NXPH1: variants seen among roughly 807,000 people sequenced by gnomAD.
The protein encoded by NXPH1 is neurexophilin-1.
Under a neutral mutation model 23.7 loss-of-function variants are expected in NXPH1, and 5 were observed. The observed-to-expected ratio is 0.21, with a 90% CI of 0.11 to 0.44. The LOEUF is 0.44. Ranked by LOEUF, NXPH1 falls within the 20% of genes least tolerant of loss-of-function variation. NXPH1 has a pLI of 0.99. For synonymous variants in NXPH1, 144 were observed against 122.2 expected (o/e 1.18, Z -1.18); for missense variants, 324 against 321.6 (o/e 1.01, Z -0.06).
In NXPH1 at chr7:8,629,163, T is replaced by A. The variant is rs184370831; in HGVS notation, c.55-121845T>A. On this transcript the variant is annotated intron_variant, in intron 2 of 2. Transcript: ENST00000405863. ...TATTTACCCCCATTGTTATAAAATT[T>A]TATGGTCACAGAAATAATTTAAACC... Among the ~76,000 whole-genome samples the A allele has an allele frequency of 3.5e-4, 53 of 152,232 alleles. No homozygotes were observed. The East Asian group carries it at 8.1e-3, about 23-fold the overall frequency.
chr7:8,693,300 T>TA (rs962446121), intron 2 of NXPH1, among the ~76,000 whole-genome samples: 10 of 152,330 alleles, frequency 6.6e-5, no homozygotes, highest in African/African-American at 2.4e-4. Context: ...CATTCCAAGT[T>TA]ACATGTGTGT....
chr7:8,552,758 A>G (rs1238219479), intron 2 of NXPH1, among the ~76,000 whole-genome samples: 1 of 151,526 alleles, frequency 6.6e-6, no homozygotes, highest in Non-Finnish European at 1.5e-5. Flanking sequence ...TATTTCCACA[A>G]TTCCTTCAAT....
chr7:8,670,805 G>T (rs1435585075), intron 2 of NXPH1, among the ~76,000 whole-genome samples: 1 of 152,178 alleles, frequency 6.6e-6, no homozygotes, highest in South Asian at 2.1e-4. Context: ...TTAGGGACAG[G>T]GTCTCTTTGT....
chr7:8,435,495 CTTT>C lies in NXPH1; in HGVS notation c.-110-101_-110-99del. ...TTTCAATTTTTCGTACCCTCCCTCC[CTTT>C]TTTTTTTGGTCCCCCACTCCCCGCT... On this transcript the variant is annotated intron_variant, in intron 1 of 2. Coordinates refer to ENST00000405863, the MANE Select transcript of NXPH1 (RefSeq NM_152745.3). This position sits in a 1 kb window ranked among gnomAD's most constrained non-coding sequence, Gnocchi z 5.9. 2.0e-6 allele frequency: 1 copy of C among 490,562 alleles called. No individual in the cohort carries two copies. 30.4% of individuals were successfully genotyped at this position (490,562 alleles called of 1,614,324 possible).
intron 2 of NXPH1, among the ~76,000 whole-genome samples, chr7:8,443,469 C>A (rs914567657): frequency 6.6e-6 from 1 of 152,238 alleles, no homozygotes; most frequent in East Asian, 1.9e-4. Context: ...GAGTAAAACC[C>A]TATGGGGAGA....
At chr7:8,675,875 A>C (rs1302976832) in intron 2 of NXPH1, among the ~76,000 whole-genome samples, 1 of 152,120 alleles carries the variant, frequency 6.6e-6, no homozygotes, top group Non-Finnish European at 1.5e-5. Flanking sequence ...AGTCAATTCA[A>C]CTGCTAATCA....
intron 2 of NXPH1, among the ~76,000 whole-genome samples, chr7:8,668,273 TTG>T (rs1335025989): frequency 0.017 from 2,462 of 147,330 alleles, 80 homozygotes; most frequent in African/African-American, 0.051. Flanking sequence ...TTTTTTTATT[TTG>T]TTGTTGTTGT....
intron 2 of NXPH1, among the ~76,000 whole-genome samples, chr7:8,566,881 C>T (rs951237191): frequency 2.0e-5 from 3 of 151,696 alleles, no homozygotes; most frequent in Non-Finnish European, 2.9e-5. Context: ...ATCTATCTAT[C>T]TACTGTTAGT....
chr7:8,735,961 T>C (rs1181533497), intron 2 of NXPH1, among the ~76,000 whole-genome samples: 3 of 152,208 alleles, frequency 2.0e-5, no homozygotes, highest in Non-Finnish European at 4.4e-5. Flanking sequence ...AGTTTGTATT[T>C]CTATGGGATC....
intron 2 of NXPH1, among the ~76,000 whole-genome samples, chr7:8,467,201 A>G (rs1816800292): frequency 6.6e-6 from 1 of 152,156 alleles, no homozygotes; most frequent in Admixed American, 6.5e-5. Flanking sequence ...TTTTTCTGAT[A>G]ATGATACTTA....
chr7:8,462,945 T>TAA (rs1454818017), intron 2 of NXPH1, among the ~76,000 whole-genome samples: 36 of 152,202 alleles, frequency 2.4e-4, no homozygotes, highest in Non-Finnish European at 2.9e-5. Context: ...TGAAGAGACA[T>TAA]TACAGACTAC....
At chr7:8,456,623 C>T (rs370879277) in intron 2 of NXPH1, among the ~76,000 whole-genome samples, 51 of 152,024 alleles carry the variant, frequency 3.4e-4, no homozygotes, top group African/African-American at 9.7e-4. Flanking sequence ...GGCTTGAAAA[C>T]GTAACTTTTT....
chr7:8,485,078 TAAG>T (rs943115655), intron 2 of NXPH1, among the ~76,000 whole-genome samples: 6 of 152,138 alleles, frequency 3.9e-5, no homozygotes, highest in Non-Finnish European at 7.4e-5. Flanking sequence ...TCTTCTAACG[TAAG>T]AAGAACTAGA....
At chr7:8,653,758 A>G (rs1025724089) in intron 2 of NXPH1, among the ~76,000 whole-genome samples, 2 of 152,190 alleles carry the variant, frequency 1.3e-5, no homozygotes, top group African/African-American at 4.8e-5. Context: ...AAATTGTTCT[A>G]TAAGGTGATA....
At chr7:8,437,336 A>G (rs570218152) in intron 2 of NXPH1, among the ~76,000 whole-genome samples, 1 of 144,848 alleles carries the variant, frequency 6.9e-6, no homozygotes. Flanking sequence ...TTTGGCCAGA[A>G]GAAATATAGA....
chr7:8,719,167 C>A lies in NXPH1; in HGVS notation c.55-31841C>A, dbSNP rs541582161. ...TTTAATTATTCATTTGGCAGATATA[C>A]CTCTATAGCACAACTGGATAGTTGT... On this transcript the variant is annotated intron_variant, in intron 2 of 2. Transcript: ENST00000405863. Among the ~76,000 whole-genome samples the A allele has an allele frequency of 1.5e-3, 230 of 152,302 alleles. 1 individual carries two copies. Among genetic ancestry groups the A allele is most frequent in the African/African-American group, 5.3e-3 (220 of 41,572 alleles).
At chr7:8,695,222 G>GAAGTTTA (rs1292631233) in intron 2 of NXPH1, among the ~76,000 whole-genome samples, 1 of 152,146 alleles carries the variant, frequency 6.6e-6, no homozygotes, top group Non-Finnish European at 1.5e-5. Context: ...CTTGGCGGAT[G>GAAGTTTA]CTAGGTCTTT....
rs1057288021 is a variant in NXPH1, at chr7:8,752,682, A to G, written c.*913A>G. 2.0e-5 allele frequency: 3 copies of G among 152,518 alleles called. No individual in the cohort carries two copies. Among genetic ancestry groups the G allele is most frequent in the Non-Finnish European group, 2.9e-5 (2 of 68,016 alleles). 9.4% of individuals were successfully genotyped at this position (152,518 alleles called of 1,614,324 possible). A position where few individuals can be genotyped will look rare whatever the true frequency, so the allele number is the denominator to read the frequency against. The stretch of plus-strand genomic sequence containing the variant: ...TTTGTATGAATGGTTTGTATTGTAC[A>G]TAGTTTAACCAAGTGTTATTTGAGC... On this transcript the variant is annotated 3_prime_UTR_variant, in exon 3 of 3. Coordinates refer to ENST00000405863, the MANE Select transcript of NXPH1 (RefSeq NM_152745.3).
intron 2 of NXPH1, among the ~76,000 whole-genome samples, chr7:8,448,123 T>G (rs1053303876): frequency 3.3e-5 from 5 of 152,228 alleles, no homozygotes; most frequent in Admixed American, 3.3e-4. Context: ...AGTATTTCCT[T>G]AATTCTGTGA....
Sources: allele counts gnomAD v4.1 joint callset (sites outside exome capture counted in the v4.1 genomes callset), GRCh38; gene constraint gnomAD v4.1.1; non-coding constraint Gnocchi (gnomAD v3.1); transcripts MANE v1.5; gene names NCBI Gene and HGNC (gene_info 2026-07-23, HGNC 2026-07-21).